Variants in CACTIN observed in about 807,000 individuals in gnomAD.
CACTIN encodes cactin, spliceosome C complex subunit.
A neutral mutation model predicts 84.9 loss-of-function variants in CACTIN; 20 were observed. The observed-to-expected ratio is 0.24, with a 90% CI of 0.17 to 0.34. The LOEUF is 0.34. Ranked by LOEUF, CACTIN falls within the 10% of genes least tolerant of loss-of-function variation. CACTIN has a pLI of 1.00. For synonymous variants in CACTIN, 549 were observed against 467.9 expected (o/e 1.17, Z -2.24); for missense variants, 897 against 1,117.2 (o/e 0.80, Z 2.81).
At position 3,611,568 on chromosome 19, in the gene CACTIN, G is replaced by C. The variant is rs1219438816; in HGVS notation, c.*355C>G. 2.6e-6 allele frequency: 1 copy of C among 377,996 alleles called. No individual in the cohort carries two copies. The highest frequency in any genetic ancestry group is 5.1e-6 in the Non-Finnish European group (1 of 196,100). The allele number at this position is 377,996 out of a possible 1,614,324, so 23.4% of individuals were successfully genotyped here. On this transcript the variant is annotated 3_prime_UTR_variant, in exon 10 of 10. Transcript: ENST00000429344. ...GGCCGCCACTTGGGGCAGGCCCTGT[G>C]GGCCCCACCCAGCCTGGCTGAGGGG...
intron 4 of CACTIN, among the ~76,000 whole-genome samples, chr19:3,619,607 C>G (rs1438726815): frequency 3.9e-5 from 6 of 152,310 alleles, no homozygotes; most frequent in African/African-American, 1.4e-4. Context: ...AGAGTAGTCA[C>G]TGCCTTGCAA....
chr19:3,618,874 C>T lies in CACTIN; in HGVS notation c.1162+1G>A. 1.3e-6 allele frequency: 2 copies of T among 1,550,262 alleles called. No individual in the cohort carries two copies. Among genetic ancestry groups the T allele is most frequent in the Non-Finnish European group, 1.7e-6 (2 of 1,146,278 alleles). ...GAGCCCAGGCCCATGCCCGCCGTTA[C>T]CTGGCCCCTTGCCCGAGGCCTCCAG... On this transcript the variant is annotated splice_donor_variant, in intron 6 of 9. Coordinates refer to ENST00000429344, the MANE Select transcript of CACTIN (RefSeq NM_001080543.2). LOFTEE classifies it high-confidence loss of function.
intron 1 of CACTIN, among the ~76,000 whole-genome samples, chr19:3,625,222 G>A (rs562532261): frequency 3.5e-4 from 53 of 152,192 alleles, no homozygotes; most frequent in African/African-American, 1.2e-3. Flanking sequence ...ACAGAGAACT[G>A]CCAAATATTT....
At chr19:3,625,628 G>C (rs2033317721) in intron 1 of CACTIN, among the ~76,000 whole-genome samples, 1 of 152,224 alleles carries the variant, frequency 6.6e-6, no homozygotes, top group African/African-American at 2.4e-5. Context: ...CTACCGGGGA[G>C]GCTGAGGCTG....
rs761461179 is a variant in CACTIN, at chr19:3,626,645, G to A, written c.118C>T (p.Arg40Trp). ...CGTCTGCGCCGTCCCTCGTCCTCCCGGCGCCGTCGGTTTCGCCGCCCATGG... is the reference window on the plus strand; with the variant it reads ...CGTCTGCGCCGTCCCTCGTCCTCCCAGCGCCGTCGGTTTCGCCGCCCATGG... ...RSHGRRNRRR[R>W]EDEGRRRRRR... Residue 40 changes from arginine (R) to tryptophan (W), a missense_variant, in exon 1 of 10, where the codon CGG becomes TGG. Arg to Trp is a moderately radical substitution (Grantham distance 101). This residue lies in a region of CACTIN where 261 missense variants were observed against 243.8 expected (regional missense o/e 1.07). Transcript: ENST00000429344. 3.3e-6 allele frequency: 5 copies of A among 1,535,260 alleles called. No individual in the cohort carries two copies. The highest frequency in any genetic ancestry group is 4.3e-6 in the Non-Finnish European group (5 of 1,149,942).
chr19:3,617,026 C>A (rs2033119099), intron 6 of CACTIN, among the ~76,000 whole-genome samples: 2 of 152,190 alleles, frequency 1.3e-5, no homozygotes, highest in South Asian at 4.1e-4. Flanking sequence ...GCAGCTGAGG[C>A]AGGAGAATCG....
chr19:3,618,774 G>T lies in CACTIN; in HGVS notation c.1162+101C>A. The T allele has an allele frequency of 1.3e-5, 12 of 955,274 alleles. No individual in the cohort carries two copies. The South Asian group carries it at 1.8e-4, about 14-fold the overall frequency. The allele number at this position is 955,274 out of a possible 1,614,324, so 59.2% of individuals were successfully genotyped here. A position where few individuals can be genotyped will look rare whatever the true frequency, so the allele number is the denominator to read the frequency against. On this transcript the variant is annotated intron_variant, in intron 6 of 9. Transcript: ENST00000429344. ...GGAGGCCCCAGTTGGGGAAACCGAG[G>T]CCTGCAGAGAGCACCAGGCCCCACA...
At chr19:3,620,576 C>T in intron 3 of CACTIN, 131 bp downstream of exon 3, 2 of 719,512 alleles carry the variant, frequency 2.8e-6, no homozygotes, top group Non-Finnish European at 4.5e-6. Context: ...GGTCTGAGCC[C>T]CTGGATCCAG....
At position 3,624,250 on chromosome 19, in the gene CACTIN, C is replaced by A. The variant is rs374542054; in HGVS notation, c.168-88G>T. The A allele has an allele frequency of 1.8e-5, 22 of 1,235,534 alleles. No individual in the cohort carries two copies. The East Asian group carries it at 4.0e-4, about 22-fold the overall frequency. 76.5% of individuals were successfully genotyped at this position (1,235,534 alleles called of 1,614,324 possible). A position where few individuals can be genotyped will look rare whatever the true frequency, so the allele number is the denominator to read the frequency against. ...TACTGGGTGCCCGTGGGGGAGCAGG[C>A]ACTGTTCTAGGTTCTGGGGACACAG... On this transcript the variant is annotated intron_variant, in intron 1 of 9. Transcript: ENST00000429344.
chr19:3,614,572 C>A lies in CACTIN; in HGVS notation c.1180G>T (p.Val394Phe). ...GKGPGERREG[V>F]NASVSSDVQS... ...ACATCAGAGCTGACGGAGGCGTTGA[C>A]CCCCTCGCGGCGCTCACCTGCAGCG... The change falls in exon 7 of 10, where the codon GTC (valine) becomes TTC (phenylalanine). Residue 394 changes from valine to phenylalanine, a missense_variant. Val to Phe is a conservative substitution (Grantham distance 50, BLOSUM62 -1). Around this residue, in one of 8 missense-constraint regions of CACTIN, gnomAD observed 304 missense variants for 444.3 expected, o/e 0.68. Coordinates refer to ENST00000429344, the MANE Select transcript of CACTIN (RefSeq NM_001080543.2). The A allele has an allele frequency of 1.2e-6, 2 of 1,604,364 alleles. No individual in the cohort carries two copies. Among genetic ancestry groups the A allele is most frequent in the Non-Finnish European group, 8.5e-7 (1 of 1,175,952 alleles).
Position 3,626,591 on chromosome 19 carries a change from C to T in CACTIN, c.167+5G>A. ...TCCCCAGCGCTGCTCCCGCAGCGAC[C>T]CCACCTGCGCTCCCGGCTCCGCCGC... is the stretch of plus-strand genomic sequence containing the variant. On this transcript the variant is annotated splice_donor_5th_base_variant and intron_variant, in intron 1 of 9. Transcript: ENST00000429344. 6.9e-7 allele frequency: 1 copy of T among 1,453,250 alleles called. No individual in the cohort carries two copies. The highest frequency in any genetic ancestry group is 9.0e-7 in the Non-Finnish European group (1 of 1,106,366). The allele number at this position is 1,453,250 out of a possible 1,614,324, so 90.0% of individuals were successfully genotyped here.
At position 3,613,297 on chromosome 19, in the gene CACTIN, T is replaced by TCGGCCTCCG; in HGVS notation, c.1538_1546dup (p.Ala513_Ala515dup). ...CTCTGTCGGGGTCGCGCCGTCCACC[T>TCGGCCTCCG]CGGCCTCCGCGGGGCCGCCCTCCGA... is the stretch of plus-strand genomic sequence containing the variant. On this transcript the variant is annotated inframe_insertion, in exon 9 of 10. Transcript: ENST00000429344. 1.9e-6 allele frequency: 3 copies of TCGGCCTCCG among 1,597,606 alleles called. No individual in the cohort carries two copies. Among genetic ancestry groups the TCGGCCTCCG allele is most frequent in the Non-Finnish European group, 2.6e-6 (3 of 1,175,622 alleles).
intron 1 of CACTIN, 92 bp from the exon 2 acceptor site, chr19:3,624,254 G>A (rs1178413093): frequency 3.4e-6 from 4 of 1,188,434 alleles, no homozygotes; most frequent in Non-Finnish European, 4.7e-6. Context: ...AGCAGGCACT[G>A]TTCTAGGTTC....
rs944310424 is a variant in CACTIN at position 3,611,116 on chromosome 19, CG to C, written c.*806del. ...TCACCCTTCTCCAACCCCCAGCCTT[CG>C]GGGAGCCCCTGCCCTCCAGGCCCTG... is the stretch of plus-strand genomic sequence containing the variant. On this transcript the variant is annotated 3_prime_UTR_variant, in exon 10 of 10. Transcript: ENST00000429344. 3.4e-5 allele frequency: 13 copies of C among 381,752 alleles called. No individual in the cohort carries two copies. Among genetic ancestry groups the C allele is most frequent in the African/African-American group, 2.7e-4 (13 of 47,688 alleles). The allele number at this position is 381,752 out of a possible 1,614,324, so 23.6% of individuals were successfully genotyped here.
At chr19:3,622,286 C>T (rs2033239371) in intron 2 of CACTIN, among the ~76,000 whole-genome samples, 1 of 151,006 alleles carries the variant, frequency 6.6e-6, no homozygotes. Flanking sequence ...ATCACTTGAA[C>T]CCAGGAAGCG....
rs907748833 is a variant in CACTIN, at chr19:3,610,652, A to G, written c.*1271T>C. ...ATTTCTGCAAACCTAAGATTATTCT[A>G]AAATACAACGTTTATTAAAAAAACA... On this transcript the variant is annotated 3_prime_UTR_variant, in exon 10 of 10. Coordinates refer to ENST00000429344, the MANE Select transcript of CACTIN (RefSeq NM_001080543.2). 2.2e-6 allele frequency: 1 copy of G among 451,388 alleles called. No individual in the cohort carries two copies. Among genetic ancestry groups the G allele is most frequent in the Non-Finnish European group, 4.4e-6 (1 of 225,262 alleles). The allele number at this position is 451,388 out of a possible 1,614,324, so 28.0% of individuals were successfully genotyped here. A position where few individuals can be genotyped will look rare whatever the true frequency, so the allele number is the denominator to read the frequency against.
Position 3,615,061 on chromosome 19 carries a change from C to G in CACTIN, c.1163-472G>C, listed in dbSNP as rs1278148806. 1 of 207,134 alleles carries G rather than the reference C, an allele frequency of 4.8e-6. No individual in the cohort carries two copies. The highest frequency in any genetic ancestry group is 9.9e-6 in the Non-Finnish European group (1 of 100,810). 12.8% of individuals were successfully genotyped at this position (207,134 alleles called of 1,614,324 possible). A position where few individuals can be genotyped will look rare whatever the true frequency, so the allele number is the denominator to read the frequency against. ...CCAGCCTGGGCTGTGTGACTGTGGG[C>G]AAGTGGCCTGCCCTTTCTGGGCCTT... On this transcript the variant is annotated intron_variant, in intron 6 of 9. Coordinates refer to ENST00000429344, the MANE Select transcript of CACTIN (RefSeq NM_001080543.2). The surrounding 1 kb of genome is among the most constrained non-coding windows in gnomAD (Gnocchi z 5.2).
chr19:3,611,751 C>A lies in CACTIN; in HGVS notation c.*172G>T. On this transcript the variant is annotated 3_prime_UTR_variant, in exon 10 of 10. Coordinates refer to ENST00000429344, the MANE Select transcript of CACTIN (RefSeq NM_001080543.2). ...TCACCATGGCAGGCTCAATGGTGAC[C>A]CCCCTTTTATATAGGAGGAAACTGA... The A allele has an allele frequency of 2.3e-6, 2 of 854,666 alleles. No individual in the cohort carries two copies. Among genetic ancestry groups the A allele is most frequent in the Non-Finnish European group, 3.8e-6 (2 of 530,062 alleles). The allele number at this position is 854,666 out of a possible 1,614,324, so 52.9% of individuals were successfully genotyped here. A position where few individuals can be genotyped will look rare whatever the true frequency, so the allele number is the denominator to read the frequency against.
intron 5 of CACTIN, 30 bp from the exon 6 acceptor site, chr19:3,619,019 G>A (rs1432126042): frequency 4.5e-6 from 7 of 1,549,792 alleles, no homozygotes; most frequent in Middle Eastern, 1.7e-4. Context: ...GTCAGGACAC[G>A]GGTGTGGCTG....
Sources: allele counts gnomAD v4.1 joint callset (sites outside exome capture counted in the v4.1 genomes callset), GRCh38; gene constraint gnomAD v4.1.1; regional missense constraint gnomAD v4.1.1; non-coding constraint Gnocchi (gnomAD v3.1); transcripts MANE v1.5; gene names NCBI Gene and HGNC (gene_info 2026-07-23, HGNC 2026-07-21).